Variants in CRAMP1 observed in about 807,000 individuals in gnomAD.
The protein encoded by CRAMP1 is protein cramped-like.
Under a neutral mutation model 115.4 loss-of-function variants are expected in CRAMP1, and 50 were observed. The ratio of observed to expected loss-of-function variants is 0.43; its 90% CI spans 0.35 to 0.55. The LOEUF is 0.55. Ranked by LOEUF, CRAMP1 falls within the 20% of genes least tolerant of loss-of-function variation. The pLI, the probability that CRAMP1 is intolerant of heterozygous loss-of-function variation, is 0.01. For synonymous variants in CRAMP1, 866 were observed against 745.4 expected (o/e 1.16, Z -2.64); for missense variants, 1,679 against 1,721.7 (o/e 0.98, Z 0.44).
chr16:1,641,606 T>C (rs1213921648), intron 6 of CRAMP1, among the ~76,000 whole-genome samples: 1 of 152,212 alleles, frequency 6.6e-6, no homozygotes, highest in East Asian at 1.9e-4. Flanking sequence ...TCTTGTGCCC[T>C]GGATGCTTCT....
intron 3 of CRAMP1, 80 bp from the exon 4 acceptor site, chr16:1,632,132 A>G (rs1441686838): frequency 7.0e-7 from 1 of 1,429,004 alleles, no homozygotes; most frequent in East Asian, 2.5e-5. Flanking sequence ...CCTTTCTCGG[A>G]ACCTTGGAAA....
chr16:1,637,382 C>T (rs1021507393), intron 4 of CRAMP1, among the ~76,000 whole-genome samples: 18 of 152,088 alleles, frequency 1.2e-4, no homozygotes, highest in African/African-American at 4.1e-4. Context: ...CTTGGCTCCT[C>T]CTCCCGCCTG....
At chr16:1,660,328 G>A (rs1260163861) in intron 11 of CRAMP1, among the ~76,000 whole-genome samples, 1 of 152,228 alleles carries the variant, frequency 6.6e-6, no homozygotes, top group East Asian at 1.9e-4. Context: ...TGGTGACTTT[G>A]GGGTCTGCTT....
In CRAMP1 at chr16:1,614,971, G is replaced by A; in HGVS notation, c.332G>A (p.Gly111Glu). 1 of 1,255,074 alleles carries A rather than the reference G, an allele frequency of 8.0e-7. No homozygotes were observed. Among genetic ancestry groups the A allele is most frequent in the Non-Finnish European group, 1.0e-6 (1 of 999,248 alleles). 77.7% of individuals were successfully genotyped at this position (1,255,074 alleles called of 1,614,324 possible). Reference sequence around the variant, plus strand: ...GGGAGCGGCAACGCCGGTGGCTCGGGGCCCCGCGGAAAAGGTAGGGCGGCC... The same window carrying A: ...GGGAGCGGCAACGCCGGTGGCTCGGAGCCCCGCGGAAAAGGTAGGGCGGCC... The part of the protein sequence containing the change: ...AVGSGNAGGS[G>E]PRGKGAEGGG... Residue 111 changes from glycine to glutamate, a missense_variant, in exon 2 of 21, where the codon GGG becomes GAG. By Grantham distance (98) the Gly-to-Glu change is moderately conservative. Coordinates refer to ENST00000397412, the MANE Select transcript of CRAMP1 (RefSeq NM_020825.4). This position sits in a 1 kb window ranked among gnomAD's most constrained non-coding sequence, Gnocchi z 4.4.
intron 6 of CRAMP1, among the ~76,000 whole-genome samples, chr16:1,648,780 C>T (rs1009414692): frequency 2.6e-5 from 4 of 152,086 alleles, no homozygotes; most frequent in Admixed American, 1.3e-4. Context: ...TGTCTCAGGC[C>T]GGGCGCGGTG....
At chr16:1,667,004 CCCACGG>C (rs2036881890) in intron 16 of CRAMP1, among the ~76,000 whole-genome samples, 1 of 152,238 alleles carries the variant, frequency 6.6e-6, no homozygotes, top group Non-Finnish European at 1.5e-5. Flanking sequence ...TCTCTGGCCT[CCCACGG>C]CCACTTCAGA....
chr16:1,637,774 C>A, intron 4 of CRAMP1, 50 bp from the exon 5 acceptor site: 1 of 944,176 alleles, frequency 1.1e-6, no homozygotes, highest in Non-Finnish European at 1.5e-6. Flanking sequence ...CCAAGCCAGG[C>A]AGCGCCTCCT....
intron 4 of CRAMP1, among the ~76,000 whole-genome samples, chr16:1,634,809 G>A (rs147687834): frequency 1.8e-4 from 27 of 152,364 alleles, no homozygotes; most frequent in Non-Finnish European, 2.2e-4. Context: ...AGGACACTGC[G>A]AAGTGACTGG....
intron 1 of CRAMP1, among the ~76,000 whole-genome samples, chr16:1,613,561 T>A (rs1204252490): frequency 6.6e-6 from 1 of 152,214 alleles, no homozygotes; most frequent in East Asian, 1.9e-4. Flanking sequence ...CCGGACTGTT[T>A]CTGGGCTGCA....
chr16:1,668,277 T>A, intron 18 of CRAMP1, 84 bp downstream of exon 18: 1 of 1,057,452 alleles, frequency 9.5e-7, no homozygotes. Context: ...CCTGGGGATA[T>A]TCCAGTTTTG....
intron 19 of CRAMP1, chr16:1,670,435 T>TG (rs2036912214): frequency 2.0e-6 from 1 of 498,968 alleles, no homozygotes; most frequent in Non-Finnish European, 3.6e-6. Flanking sequence ...TGGGAGACCG[T>TG]GGGACTCGTG....
In CRAMP1 at chr16:1,666,158, G is replaced by A. The variant is rs756295489; in HGVS notation, c.2838G>A (p.Gln946=). ...TCGTGCCCAAGGTCCTTCCACCCCA[G>A]GCCACGAGTCACCTGGCCAGTAAGT... The part of the protein sequence containing the change: ...RPIVPKVLPP[Q]ATSHLASAID... The change falls in exon 15 of 21, where the codon CAG becomes CAA. Residue 946 remains glutamine, a synonymous_variant. Coordinates refer to ENST00000397412, the MANE Select transcript of CRAMP1 (RefSeq NM_020825.4). The surrounding 1 kb of genome is among the most constrained non-coding windows in gnomAD (Gnocchi z 5.0). 6.2e-7 allele frequency: 1 copy of A among 1,607,958 alleles called. No individual in the cohort carries two copies. Among genetic ancestry groups the A allele is most frequent in the Non-Finnish European group, 8.5e-7 (1 of 1,177,242 alleles).
At chr16:1,617,499 G>A (rs1294695936) in intron 2 of CRAMP1, among the ~76,000 whole-genome samples, 1 of 152,258 alleles carries the variant, frequency 6.6e-6, no homozygotes, top group African/African-American at 2.4e-5. Context: ...TGCATCTGGA[G>A]TGGTGAGCAT....
intron 6 of CRAMP1, among the ~76,000 whole-genome samples, chr16:1,649,785 A>ATTTTTTTTTTTTTTTTTTTTTTTTTTT (rs35942594): frequency 1.5e-5 from 1 of 65,740 alleles, no homozygotes; most frequent in Non-Finnish European, 2.6e-5. Context: ...ATGAGCCACT[A>ATTTTTTTTTTTTTTTTTTTTTTTTTTT]TTTTTTTTTT....
intron 2 of CRAMP1, among the ~76,000 whole-genome samples, chr16:1,615,303 C>T (rs1309878829): frequency 6.6e-6 from 1 of 152,088 alleles, no homozygotes; most frequent in East Asian, 1.9e-4. Context: ...AAACAGCGGA[C>T]AATAGTTCGG....
chr16:1,670,887 G>C (rs1175910749), intron 20 of CRAMP1, 78 bp downstream of exon 20: 1 of 1,412,616 alleles, frequency 7.1e-7, no homozygotes, highest in South Asian at 1.2e-5. Flanking sequence ...CTGCACACCT[G>C]TGGGTTAGTA....
rs1377660777 is a variant in CRAMP1, at chr16:1,614,087, CGGGGCCCGGGAGCCCCGCGCCTTTCGG to C, written c.-1-546_-1-520del. ...GGGGCCGGCGCGTGGGGCAGGTGCG[CGGGGCCCGGGAGCCCCGCGCCTTTCGG>C]GGGGCGGGGAGGGGGTGGGACGAGG... On this transcript the variant is annotated intron_variant, in intron 1 of 20. Transcript: ENST00000397412. This position sits in a 1 kb window ranked among gnomAD's most constrained non-coding sequence, Gnocchi z 4.4. Among the ~76,000 whole-genome samples, 21 of 46,454 alleles carry C rather than the reference CGGGGCCCGGGAGCCCCGCGCCTTTCGG, an allele frequency of 4.5e-4. No homozygotes were observed. Among genetic ancestry groups the C allele is most frequent in the Non-Finnish European group, 6.3e-4 (16 of 25,422 alleles). 30.5% of individuals were successfully genotyped at this position (46,454 alleles called of 152,430 possible).
chr16:1,652,045 C>T (rs2036728761), intron 6 of CRAMP1, among the ~76,000 whole-genome samples: 1 of 152,122 alleles, frequency 6.6e-6, no homozygotes, highest in Non-Finnish European at 1.5e-5. Flanking sequence ...GGGAGGTGGA[C>T]TGAGAGGTCA....
At chr16:1,645,430 C>T in intron 6 of CRAMP1, 1 of 193,680 alleles carries the variant, frequency 5.2e-6, no homozygotes, top group South Asian at 6.4e-5. Context: ...TCAGGTTATC[C>T]TCCCACCTTG....
Sources: allele counts gnomAD v4.1 joint callset (sites outside exome capture counted in the v4.1 genomes callset), GRCh38; gene constraint gnomAD v4.1.1; non-coding constraint Gnocchi (gnomAD v3.1); transcripts MANE v1.5; gene names NCBI Gene and HGNC (gene_info 2026-07-23, HGNC 2026-07-21).